Variants in NYAP2 observed in about 807,000 individuals in gnomAD.
NYAP2 encodes neuronal tyrosine-phosphorylated phosphoinositide-3-kinase adaptor 2.
Under a neutral mutation model 50.4 loss-of-function variants are expected in NYAP2, and 23 were observed. That is an observed-to-expected ratio of 0.46 (90% CI 0.33 to 0.65). The LOEUF (loss-of-function observed/expected upper bound fraction) is 0.65, where lower values mean the gene tolerates loss of function less well. NYAP2 is among the 30% of genes least tolerant of loss of function. The pLI is 0.02. For missense variants in NYAP2, 885 were observed against 861.0 expected (o/e 1.03, Z -0.35); for synonymous variants, 394 against 365.2 (o/e 1.08, Z -0.90).
At chr2:225,479,453 C>G (rs1308398663) in intron 3 of NYAP2, among the ~76,000 whole-genome samples, 1 of 152,140 alleles carries the variant, frequency 6.6e-6, no homozygotes, top group African/African-American at 2.4e-5. Flanking sequence ...TTGAACCATC[C>G]TAAGTGATCC....
At chr2:225,421,253 A>C (rs1192234704) in intron 3 of NYAP2, among the ~76,000 whole-genome samples, 1 of 152,186 alleles carries the variant, frequency 6.6e-6, no homozygotes, top group African/African-American at 2.4e-5. Context: ...CTAGACTGTC[A>C]CATATAATTT....
chr2:225,414,578 C>T (rs954460142), intron 3 of NYAP2, among the ~76,000 whole-genome samples: 1 of 152,036 alleles, frequency 6.6e-6, no homozygotes, highest in Admixed American at 6.6e-5. Flanking sequence ...ACCATTGACA[C>T]ACTCAGGAAC....
chr2:225,516,088 G>A (rs769949723), intron 4 of NYAP2, among the ~76,000 whole-genome samples: 2 of 152,126 alleles, frequency 1.3e-5, no homozygotes, highest in Non-Finnish European at 2.9e-5. Context: ...GTGAAAGTAT[G>A]GAGAAAATCG....
intron 6 of NYAP2, among the ~76,000 whole-genome samples, chr2:225,631,412 T>C (rs1262637605): frequency 2.0e-5 from 3 of 152,190 alleles, no homozygotes; most frequent in African/African-American, 4.8e-5. Context: ...ATATTTTTAG[T>C]ATGTATTCTT....
At chr2:225,690,405 A>G in the NYAP2 span, among the ~76,000 whole-genome samples, 8 of 152,248 alleles carry the variant, frequency 5.3e-5, no homozygotes, top group African/African-American at 1.9e-4. Flanking sequence ...CAATTTCAAA[A>G]GATTTATTGA....
chr2:225,694,497 G>T, the NYAP2 span, among the ~76,000 whole-genome samples: 1 of 151,702 alleles, frequency 6.6e-6, no homozygotes, highest in African/African-American at 2.4e-5. Context: ...ATATATTTTT[G>T]GGGGACTCAA....
At chr2:225,701,563 TG>T in the NYAP2 span, 1 of 151,798 alleles carries the variant, frequency 6.6e-6, no homozygotes, top group Non-Finnish European at 1.5e-5. Context: ...CAGCATCCTC[TG>T]AGGTATAAGA....
chr2:225,628,880 A>T (rs1239860782), intron 6 of NYAP2, among the ~76,000 whole-genome samples: 2 of 152,172 alleles, frequency 1.3e-5, no homozygotes, highest in Admixed American at 1.3e-4. Flanking sequence ...ATACAATGAC[A>T]AAAAAGATAT....
intron 3 of NYAP2, among the ~76,000 whole-genome samples, chr2:225,447,624 C>A (rs577166166): frequency 6.4e-4 from 98 of 152,060 alleles, no homozygotes; most frequent in Non-Finnish European, 4.6e-4. Context: ...ACTGTCAATT[C>A]TTTAAATTAA....
At chr2:225,524,643 G>C (rs1473009467) in intron 4 of NYAP2, among the ~76,000 whole-genome samples, 1 of 152,088 alleles carries the variant, frequency 6.6e-6, no homozygotes, top group Admixed American at 6.6e-5. Flanking sequence ...AGCTATACAA[G>C]TCCTAGGAGA....
chr2:225,529,866 C>A (rs1426776885), intron 4 of NYAP2, among the ~76,000 whole-genome samples: 2 of 152,094 alleles, frequency 1.3e-5, no homozygotes, highest in Admixed American at 1.3e-4. Flanking sequence ...TGCCACCACA[C>A]CTGGCTAATT....
intron 4 of NYAP2, among the ~76,000 whole-genome samples, chr2:225,571,022 A>G (rs1692061875): frequency 6.6e-6 from 1 of 152,222 alleles, no homozygotes; most frequent in South Asian, 2.1e-4. Context: ...CCAAAATCCA[A>G]TAGGGTAGTC....
At chr2:225,541,409 G>C (rs1455315084) in intron 4 of NYAP2, among the ~76,000 whole-genome samples, 1 of 152,014 alleles carries the variant, frequency 6.6e-6, no homozygotes, top group Non-Finnish European at 1.5e-5. Flanking sequence ...AATTTTAGCG[G>C]TTTCATGATT....
intron 3 of NYAP2, among the ~76,000 whole-genome samples, chr2:225,421,641 T>C (rs1695216560): frequency 6.6e-6 from 1 of 152,184 alleles, no homozygotes. Context: ...TCTAAAATAG[T>C]TCATCCTTAT....
the NYAP2 span, among the ~76,000 whole-genome samples, chr2:225,668,223 T>G: frequency 6.6e-6 from 1 of 152,162 alleles, no homozygotes; most frequent in African/African-American, 2.4e-5. Context: ...TTTTCCAGAA[T>G]GTCCCTTTGT....
rs536989845 is a variant in NYAP2, at chr2:225,549,992, T to A, written c.524-31949T>A. Among the ~76,000 whole-genome samples the A allele has an allele frequency of 6.2e-3, 834 of 134,996 alleles. 11 individuals carry two copies. Among genetic ancestry groups the A allele is most frequent in the African/African-American group, 0.021 (757 of 35,962 alleles). 88.6% of individuals were successfully genotyped at this position (134,996 alleles called of 152,430 possible). On this transcript the variant is annotated intron_variant, in intron 4 of 6. Coordinates refer to ENST00000636099, the Ensembl canonical transcript of NYAP2. Reference sequence around the variant, plus strand: ...AGAGTGAGACTCTGTCTCAAAAAAATAAATAAATAAATAAATAAAAAATAG... The same window carrying A: ...AGAGTGAGACTCTGTCTCAAAAAAAAAAATAAATAAATAAATAAAAAATAG...
rs1249253613 is a variant in NYAP2, at chr2:225,517,706, CT to C, written c.523+4035del. Among the ~76,000 whole-genome samples, 8 of 152,102 alleles carry C rather than the reference CT, an allele frequency of 5.3e-5. No individual in the cohort carries two copies. In the East Asian group the frequency reaches 1.5e-3, roughly 29 times the overall value. ...TATTGAATCACCACTTCTAATAGGC[CT>C]GAATAACATGAAATTTTGGTCTGGT... On this transcript the variant is annotated intron_variant, in intron 4 of 6. Coordinates refer to ENST00000636099, the Ensembl canonical transcript of NYAP2.
intron 5 of NYAP2, among the ~76,000 whole-genome samples, chr2:225,622,518 CTTCTTTCTTTCT>C (rs1553557351): frequency 5.7e-5 from 4 of 70,398 alleles, no homozygotes; most frequent in Admixed American, 2.1e-4. Context: ...TTCTTTCTTT[CTTCTTTCTTTCT>C]TTCTTTCTTT....
Position 225,410,550 on chromosome 2 carries a change from G to T in NYAP2, c.221+1449G>T, listed in dbSNP as rs77116114. On this transcript the variant is annotated intron_variant, in intron 3 of 6. Transcript: ENST00000636099. Reference sequence around the variant, plus strand: ...ACGGATGGCCTACATGTTTTTGAAAGTAACTTCAAAACTCTAAAATCTGAA... The same window carrying T: ...ACGGATGGCCTACATGTTTTTGAAATTAACTTCAAAACTCTAAAATCTGAA... Among the ~76,000 whole-genome samples the T allele has an allele frequency of 3.3e-5, 5 of 152,064 alleles. No individual in the cohort carries two copies. The East Asian group carries it at 9.7e-4, about 29-fold the overall frequency.
Sources: allele counts gnomAD v4.1 joint callset (sites outside exome capture counted in the v4.1 genomes callset), GRCh38; gene constraint gnomAD v4.1.1; transcripts MANE v1.5; gene names NCBI Gene and HGNC (gene_info 2026-07-23, HGNC 2026-07-21).